The following NYAP2 variants were observed in gnomAD, a reference collection of about 807,000 sequenced individuals.
The protein encoded by NYAP2 is neuronal tyrosine-phosphorylated phosphoinositide-3-kinase adaptor 2.
In NYAP2, 23 loss-of-function variants were observed where a neutral mutation model predicts 50.4. The ratio of observed to expected loss-of-function variants is 0.46; its 90% CI spans 0.33 to 0.65. The LOEUF (loss-of-function observed/expected upper bound fraction) is 0.65. Among genes scored for constraint, NYAP2 ranks in the 30% least tolerant of loss-of-function variants. NYAP2 has a pLI of 0.02. For missense variants in NYAP2, 885 were observed against 861.0 expected (o/e 1.03, Z -0.35); for synonymous variants, 394 against 365.2 (o/e 1.08, Z -0.90).
At chr2:225,551,487 A>C (rs1218355818) in intron 4 of NYAP2, among the ~76,000 whole-genome samples, 1 of 152,240 alleles carries the variant, frequency 6.6e-6, no homozygotes, top group South Asian at 2.1e-4. Flanking sequence ...ATGGAGCAGA[A>C]CTTCCCAGAT....
chr2:225,577,421 T>A (rs1692186065), intron 4 of NYAP2, among the ~76,000 whole-genome samples: 2 of 152,186 alleles, frequency 1.3e-5, no homozygotes, highest in Non-Finnish European at 1.5e-5. Flanking sequence ...AAGACTATTT[T>A]TAAGTACCTT....
intron 3 of NYAP2, among the ~76,000 whole-genome samples, chr2:225,414,631 C>T (rs575459701): frequency 3.6e-4 from 54 of 152,084 alleles, no homozygotes; most frequent in Admixed American, 1.7e-3. Flanking sequence ...GAACAGAGTC[C>T]GGCCACAAAC....
At chr2:225,696,994 C>G in the NYAP2 span, among the ~76,000 whole-genome samples, 2 of 151,896 alleles carry the variant, frequency 1.3e-5, no homozygotes, top group South Asian at 4.1e-4. Context: ...CTAATTATCA[C>G]CCTAAAATTG....
At chr2:225,506,239 A>G (rs929159315) in intron 3 of NYAP2, among the ~76,000 whole-genome samples, 3 of 152,132 alleles carry the variant, frequency 2.0e-5, no homozygotes, top group African/African-American at 7.2e-5. Flanking sequence ...TGTGTTAGTG[A>G]CTAGAATGGT....
intron 6 of NYAP2, among the ~76,000 whole-genome samples, chr2:225,633,488 A>G (rs968825805): frequency 6.6e-6 from 1 of 152,246 alleles, no homozygotes; most frequent in African/African-American, 2.4e-5. Context: ...TTGCTTATAC[A>G]TGAAACACTT....
chr2:225,450,720 GT>G (rs1411600769), intron 3 of NYAP2, among the ~76,000 whole-genome samples: 4 of 152,178 alleles, frequency 2.6e-5, no homozygotes, highest in African/African-American at 9.7e-5. Flanking sequence ...GTCCACAAAT[GT>G]TAATCTTGTA....
At chr2:225,524,041 G>A (rs1400465349) in intron 4 of NYAP2, among the ~76,000 whole-genome samples, 11 of 152,138 alleles carry the variant, frequency 7.2e-5, no homozygotes, top group Admixed American at 7.2e-4. Flanking sequence ...ATTCTCCAGA[G>A]GGACAGAACT....
intron 4 of NYAP2, among the ~76,000 whole-genome samples, chr2:225,539,248 T>C (rs749869286): frequency 5.9e-5 from 9 of 152,244 alleles, no homozygotes; most frequent in Non-Finnish European, 1.2e-4. Flanking sequence ...CTATCATTGA[T>C]GGGCATTTGG....
chr2:225,520,647 C>G (rs1365570378), intron 4 of NYAP2, among the ~76,000 whole-genome samples: 2 of 152,142 alleles, frequency 1.3e-5, no homozygotes, highest in Admixed American at 6.5e-5. Flanking sequence ...TGTTTTGGTA[C>G]CAGTACCATG....
chr2:225,663,686 T>G, the NYAP2 span, among the ~76,000 whole-genome samples: 2 of 152,160 alleles, frequency 1.3e-5, no homozygotes, highest in African/African-American at 4.8e-5. Flanking sequence ...GCCTCCCAAG[T>G]AGCTGGGATT....
At chr2:225,621,258 T>C (rs1299911609) in intron 5 of NYAP2, among the ~76,000 whole-genome samples, 7 of 152,254 alleles carry the variant, frequency 4.6e-5, no homozygotes, top group African/African-American at 1.7e-4. Flanking sequence ...TATAATGTTA[T>C]TTTCTGATAC....
Position 225,493,424 on chromosome 2 carries a change from T to A in NYAP2, c.222-19947T>A, listed in dbSNP as rs531249978. On this transcript the variant is annotated intron_variant, in intron 3 of 6. Coordinates refer to ENST00000636099, the Ensembl canonical transcript of NYAP2. Reference sequence around the variant, plus strand: ...CAGGATCATGAACTGGAGCTTTGCTTAGTCATGTTTATCTAACATGTACAG... The same window carrying A: ...CAGGATCATGAACTGGAGCTTTGCTAAGTCATGTTTATCTAACATGTACAG... Among the ~76,000 whole-genome samples, 6 of 152,370 alleles carry A rather than the reference T, an allele frequency of 3.9e-5. No homozygotes were observed. The South Asian group carries it at 1.2e-3, about 32-fold the overall frequency.
chr2:225,440,087 G>T (rs944683665), intron 3 of NYAP2, among the ~76,000 whole-genome samples: 3 of 152,166 alleles, frequency 2.0e-5, no homozygotes, highest in African/African-American at 7.2e-5. Context: ...CCTCCACATG[G>T]TCCCACACTT....
rs1422951074 is a variant in NYAP2 at position 225,434,175 on chromosome 2, GTA to G, written c.221+25075_221+25076del. ...AATGACACAGCGTAAAGACAGACCA[GTA>G]CTCTGGAGCTGCAATAGGTAAGATT... is the stretch of plus-strand genomic sequence containing the variant. On this transcript the variant is annotated intron_variant, in intron 3 of 6. Transcript: ENST00000636099. Among the ~76,000 whole-genome samples, 10 of 152,158 alleles carry G rather than the reference GTA, an allele frequency of 6.6e-5. No individual in the cohort carries two copies. The East Asian group carries it at 1.9e-3, about 29-fold the overall frequency.
chr2:225,402,881 A>AT (rs140444264), intron 2 of NYAP2, among the ~76,000 whole-genome samples: 2,881 of 152,124 alleles, frequency 0.019, 82 homozygotes, highest in African/African-American at 0.065. Context: ...TCAGAAAAAA[A>AT]TTTTGACATG....
intron 5 of NYAP2, among the ~76,000 whole-genome samples, chr2:225,587,875 AG>A (rs1183636181): frequency 2.0e-5 from 3 of 151,300 alleles, no homozygotes; most frequent in South Asian, 2.1e-4. Context: ...ACATTATTGG[AG>A]ATTCGTAAGT....
intron 3 of NYAP2, among the ~76,000 whole-genome samples, chr2:225,510,454 T>C (rs970673950): frequency 6.6e-6 from 1 of 152,222 alleles, no homozygotes; most frequent in African/African-American, 2.4e-5. Flanking sequence ...GATTCAATCA[T>C]TGCCCTTCAT....
chr2:225,572,919 T>A (rs1692100787), intron 4 of NYAP2, among the ~76,000 whole-genome samples: 1 of 152,110 alleles, frequency 6.6e-6, no homozygotes, highest in African/African-American at 2.4e-5. Flanking sequence ...TCTTCCTTTA[T>A]ATATATATTA....
chr2:225,579,665 C>A (rs10804328), intron 4 of NYAP2, among the ~76,000 whole-genome samples: 1 of 152,120 alleles, frequency 6.6e-6, no homozygotes, highest in Non-Finnish European at 1.5e-5. Flanking sequence ...GTTCATCAAC[C>A]GTTGCTTCTC....
Sources: allele counts gnomAD v4.1 joint callset (sites outside exome capture counted in the v4.1 genomes callset), GRCh38; gene constraint gnomAD v4.1.1; transcripts MANE v1.5; gene names NCBI Gene and HGNC (gene_info 2026-07-23, HGNC 2026-07-21).